The following DLGAP4 variants were observed in gnomAD, a reference collection of about 807,000 sequenced individuals.
The protein encoded by DLGAP4 is disks large-associated protein 4.
DLGAP4 carries 18 observed loss-of-function variants against 86.9 expected under a neutral mutation model. The ratio of observed to expected loss-of-function variants is 0.21; its 90% CI spans 0.14 to 0.31. The LOEUF (loss-of-function observed/expected upper bound fraction) is 0.31. DLGAP4 is among the 10% of genes least tolerant of loss of function. The pLI is 1.00. For missense variants in DLGAP4, 1,085 were observed against 1,362.6 expected (o/e 0.80, Z 3.21); for synonymous variants, 548 against 574.3 (o/e 0.95, Z 0.65).
At chr20:36,456,648 G>A (rs955715223) in intron 7 of DLGAP4, among the ~76,000 whole-genome samples, 3 of 152,194 alleles carry the variant, frequency 2.0e-5, no homozygotes, top group African/African-American at 4.8e-5. Flanking sequence ...CTTGGACTAC[G>A]ACATGCCTGA....
intron 7 of DLGAP4, among the ~76,000 whole-genome samples, chr20:36,450,507 A>G (rs1295508320): frequency 6.6e-6 from 1 of 152,018 alleles, no homozygotes; most frequent in Non-Finnish European, 1.5e-5. Flanking sequence ...TCAAAAAAAA[A>G]AGAATCAGGG....
At chr20:36,514,771 C>T (rs150888089) in intron 10 of DLGAP4, among the ~76,000 whole-genome samples, 191 of 152,088 alleles carry the variant, frequency 1.3e-3, no homozygotes, top group African/African-American at 4.4e-3. Flanking sequence ...TGAGAATGAC[C>T]TTGTTAGAGA....
At chr20:36,495,066 C>G (rs2035831922) in intron 7 of DLGAP4, among the ~76,000 whole-genome samples, 1 of 127,826 alleles carries the variant, frequency 7.8e-6, no homozygotes, top group African/African-American at 3.0e-5. Context: ...AATCTTGGCT[C>G]ACTGCAACCT....
chr20:36,376,680 T>A (rs2031167633), intron 2 of DLGAP4, among the ~76,000 whole-genome samples: 1 of 151,656 alleles, frequency 6.6e-6, no homozygotes, highest in African/African-American at 2.4e-5. Context: ...AATGTTGAGG[T>A]GAATGCTGGC....
At chr20:36,396,465 A>ACAC (rs2031982501) in intron 2 of DLGAP4, among the ~76,000 whole-genome samples, 8 of 127,084 alleles carry the variant, frequency 6.3e-5, no homozygotes, top group African/African-American at 2.5e-4. Context: ...ATGCACACAC[A>ACAC]CACATACACA....
chr20:36,451,947 A>G (rs2033747061), intron 7 of DLGAP4, among the ~76,000 whole-genome samples: 1 of 151,354 alleles, frequency 6.6e-6, no homozygotes, highest in Non-Finnish European at 1.5e-5. Flanking sequence ...TTTAGTAGAG[A>G]CAGGGTTTCT....
At position 36,432,086 on chromosome 20, in the gene DLGAP4, A is replaced by G. The variant is rs560289165; in HGVS notation, c.369A>G (p.Gln123=). ...PIHRDGFSTL[Q]FPRGEAKARG... ...ACCGTGATGGCTTCAGCACCCTCCA[A>G]TTTCCCCGTGGCGAGGCCAAGGCCC... Residue 123 remains glutamine, a synonymous_variant, in exon 3 of 13, where the codon CAA becomes CAG. Transcript: ENST00000339266. The surrounding 1 kb of genome is among the most constrained non-coding windows in gnomAD (Gnocchi z 6.5). 17 of 1,614,016 alleles carry G rather than the reference A, an allele frequency of 1.1e-5. No homozygotes were observed. The Admixed American group carries it at 2.7e-4, about 25-fold the overall frequency.
In DLGAP4 at chr20:36,308,641, G is replaced by C. The variant is rs1156306048; in HGVS notation, c.-304+2129G>C. 2.6e-5 allele frequency among the ~76,000 whole-genome samples: 4 copies of C among 152,186 alleles called. No homozygotes were observed. In the East Asian group the frequency reaches 5.8e-4, roughly 22 times the overall value. ...CCCACTGACATCTCATTAGGTTCTT[G>C]TGTGGTTTGTGAGCCACAGGCTTCG... is the stretch of plus-strand genomic sequence containing the variant. On this transcript the variant is annotated intron_variant, in intron 1 of 12. Coordinates refer to ENST00000339266, the MANE Select transcript of DLGAP4 (RefSeq NM_001365621.2). This position sits in a 1 kb window ranked among gnomAD's most constrained non-coding sequence, Gnocchi z 4.5.
intron 7 of DLGAP4, among the ~76,000 whole-genome samples, chr20:36,456,364 T>C (rs1436924063): frequency 6.6e-6 from 1 of 152,070 alleles, no homozygotes; most frequent in Non-Finnish European, 1.5e-5. Flanking sequence ...GCATGGGTAA[T>C]GAAGGTATGT....
At chr20:36,482,340 G>A (rs977932495) in intron 7 of DLGAP4, among the ~76,000 whole-genome samples, 4 of 152,156 alleles carry the variant, frequency 2.6e-5, no homozygotes, top group African/African-American at 4.8e-5. Flanking sequence ...GGTGAAAGCC[G>A]GGCTTTTGTG....
intron 9 of DLGAP4, 39 bp downstream of exon 9, chr20:36,499,715 C>T (rs371862097): frequency 2.0e-4 from 307 of 1,526,746 alleles, no homozygotes; most frequent in Admixed American, 1.1e-3. Flanking sequence ...CTCCCCTCTC[C>T]TCTCCCTCCC....
intron 2 of DLGAP4, among the ~76,000 whole-genome samples, chr20:36,414,691 C>A (rs1046554550): frequency 1.3e-5 from 2 of 152,168 alleles, no homozygotes; most frequent in Non-Finnish European, 2.9e-5. Flanking sequence ...AACTCACAGG[C>A]TTTAGAGAGT....
At chr20:36,374,210 C>G (rs2031060398) in intron 2 of DLGAP4, among the ~76,000 whole-genome samples, 1 of 152,072 alleles carries the variant, frequency 6.6e-6, no homozygotes, top group Non-Finnish European at 1.5e-5. Context: ...TGTCCTGGCC[C>G]TCCAAATGAC....
intron 7 of DLGAP4, among the ~76,000 whole-genome samples, chr20:36,486,961 G>C (rs1420929102): frequency 6.6e-6 from 1 of 152,168 alleles, no homozygotes; most frequent in Non-Finnish European, 1.5e-5. Flanking sequence ...AAGCAATCCA[G>C]TTTGAGCTTT....
intron 7 of DLGAP4, among the ~76,000 whole-genome samples, chr20:36,476,705 G>GTTTTTTTTTTTTTTTTT: frequency 1.2e-5 from 1 of 85,340 alleles, no homozygotes; most frequent in Non-Finnish European, 2.4e-5. Context: ...TTTTTTTTTG[G>GTTTTTTTTTTTTTTTTT]TTTTTTTTTT....
At chr20:36,314,186 C>T (rs1193169468) in intron 1 of DLGAP4, among the ~76,000 whole-genome samples, 1 of 151,246 alleles carries the variant, frequency 6.6e-6, no homozygotes, top group Non-Finnish European at 1.5e-5. Flanking sequence ...CTGGGGGTGT[C>T]GACTAGACCT....
chr20:36,477,153 G>C lies in DLGAP4; in HGVS notation c.1649-19552G>C, dbSNP rs184753139. Among the ~76,000 whole-genome samples the C allele has an allele frequency of 1.2e-3, 187 of 150,970 alleles. 1 individual carries two copies. The highest frequency in any genetic ancestry group is 2.4e-4 in the Non-Finnish European group (16 of 67,812). ...TCTCTGTCACCCAGCTTGGAGTGCA[G>C]TGGCACAATTTCGGCTCCCTGCAAC... On this transcript the variant is annotated intron_variant, in intron 7 of 12. Coordinates refer to ENST00000339266, the MANE Select transcript of DLGAP4 (RefSeq NM_001365621.2).
At chr20:36,433,485 G>A (rs2033183219) in intron 3 of DLGAP4, among the ~76,000 whole-genome samples, 1 of 152,206 alleles carries the variant, frequency 6.6e-6, no homozygotes, top group South Asian at 2.1e-4. Flanking sequence ...AGGGCAGGGG[G>A]CTATGAACTG....
At chr20:36,317,257 T>TTC (rs1555890140) in intron 1 of DLGAP4, among the ~76,000 whole-genome samples, 7 of 60,484 alleles carry the variant, frequency 1.2e-4, no homozygotes, top group Admixed American at 2.0e-4. Flanking sequence ...CTTTCTTTCT[T>TTC]TCTTTCTTTC....
Sources: gnomAD v4.1 joint callset for allele counts (sites outside exome capture counted in the v4.1 genomes callset) on GRCh38, gnomAD v4.1.1 for gene constraint, Gnocchi (gnomAD v3.1) non-coding constraint, MANE v1.5 for transcripts, NCBI Gene and HGNC (gene_info 2026-07-23, HGNC 2026-07-21) for gene names.